Variants in RFESD observed in about 807,000 individuals in gnomAD.
RFESD encodes Rieske Fe-S domain containing.
RFESD carries 16 observed loss-of-function variants against 24.4 expected under a neutral mutation model. That is an observed-to-expected ratio of 0.66 (90% CI 0.44 to 1.00). RFESD has a LOEUF of 1.00. Ranked by LOEUF, RFESD falls within the 50% of genes least tolerant of loss-of-function variation. The pLI, the probability that RFESD is intolerant of heterozygous loss-of-function variation, is 0.00. For synonymous variants in RFESD, 59 were observed against 81.8 expected (o/e 0.72, Z 1.50); for missense variants, 208 against 247.0 (o/e 0.84, Z 1.06).
chr5:95,651,366 A>T (rs1750328040), intron 1 of RFESD, among the ~76,000 whole-genome samples: 1 of 152,180 alleles, frequency 6.6e-6, no homozygotes, highest in Admixed American at 6.5e-5. Context: ...TGTGTGTTTA[A>T]TATCTTGAGC....
At chr5:95,655,960 AC>A (rs1222792865) in intron 5 of RFESD, 85 bp from the exon 6 acceptor site, 23 of 1,288,540 alleles carry the variant, frequency 1.8e-5, no homozygotes, top group Non-Finnish European at 2.3e-5. Context: ...TGTTTTTTTA[AC>A]CTGGTTCTTC....
intron 1 of RFESD, among the ~76,000 whole-genome samples, chr5:95,649,954 G>C (rs982243702): frequency 6.6e-5 from 10 of 151,938 alleles, no homozygotes; most frequent in African/African-American, 2.2e-4. Context: ...TTACCCCTCT[G>C]TTCTGTCACA....
At position 95,652,171 on chromosome 5, in the gene RFESD, G is replaced by A; in HGVS notation, c.-101G>A. On this transcript the variant is annotated 5_prime_UTR_variant, in exon 2 of 6. Coordinates refer to ENST00000380005, the MANE Select transcript of RFESD (RefSeq NM_001131066.2). ...TATTTGCAATTCAAGGAGAATATAA[G>A]ACAGAGAAGAAAGCTGTGAATGAAT... is the stretch of plus-strand genomic sequence containing the variant. The A allele has an allele frequency of 7.1e-7, 1 of 1,416,534 alleles. No homozygotes were observed. The highest frequency in any genetic ancestry group is 2.3e-5 in the Admixed American group (1 of 43,102). The allele number at this position is 1,416,534 out of a possible 1,614,324, so 87.7% of individuals were successfully genotyped here. A position where few individuals can be genotyped will look rare whatever the true frequency, so the allele number is the denominator to read the frequency against.
In RFESD at chr5:95,652,265, C is replaced by T. The variant is rs1477852058; in HGVS notation, c.-7C>T. 1.3e-6 allele frequency: 2 copies of T among 1,549,668 alleles called. No homozygotes were observed. The highest frequency in any genetic ancestry group is 2.7e-5 in the African/African-American group (2 of 72,984). ...TCTCTACAACCTCTCTTCCACCTGA[C>T]CTCTAAATGTTGAAGTGTTTCAGGA... is the stretch of plus-strand genomic sequence containing the variant. On this transcript the variant is annotated 5_prime_UTR_variant, in exon 2 of 6. Coordinates refer to ENST00000380005, the MANE Select transcript of RFESD (RefSeq NM_001131066.2).
intron 1 of RFESD, among the ~76,000 whole-genome samples, chr5:95,651,316 G>A (rs1417809397): frequency 3.3e-5 from 5 of 152,138 alleles, no homozygotes. Context: ...ATTTGAAGTT[G>A]ACAACTGATT....
chr5:95,648,392 ATTATC>A (rs748049328), intron 1 of RFESD, among the ~76,000 whole-genome samples: 12 of 152,204 alleles, frequency 7.9e-5, no homozygotes, highest in Non-Finnish European at 1.6e-4. Flanking sequence ...TTAAGATTCT[ATTATC>A]TTAAAGTAGA....
chr5:95,652,171 GAC>G lies in RFESD; in HGVS notation c.-99_-98del. The G allele has an allele frequency of 7.1e-7, 1 of 1,416,534 alleles. No homozygotes were observed. The highest frequency in any genetic ancestry group is 9.4e-7 in the Non-Finnish European group (1 of 1,064,436). The allele number at this position is 1,416,534 out of a possible 1,614,324, so 87.7% of individuals were successfully genotyped here. A position where few individuals can be genotyped will look rare whatever the true frequency, so the allele number is the denominator to read the frequency against. On this transcript the variant is annotated 5_prime_UTR_variant, in exon 2 of 6. Transcript: ENST00000380005. The stretch of plus-strand genomic sequence containing the variant: ...TATTTGCAATTCAAGGAGAATATAA[GAC>G]AGAGAAGAAAGCTGTGAATGAATTT...
At chr5:95,651,160 A>G (rs947948261) in intron 1 of RFESD, among the ~76,000 whole-genome samples, 5 of 152,010 alleles carry the variant, frequency 3.3e-5, no homozygotes, top group African/African-American at 9.7e-5. Context: ...ATGGTAACCT[A>G]AGACTTGAGT....
At chr5:95,655,928 A>AG in intron 5 of RFESD, 118 bp from the exon 6 acceptor site, 1 of 837,148 alleles carries the variant, frequency 1.2e-6, no homozygotes, top group Non-Finnish European at 1.9e-6. Context: ...TGTACATAGG[A>AG]GGAAAAAAAG....
intron 2 of RFESD, 100 bp downstream of exon 2, chr5:95,652,431 T>A: frequency 3.6e-6 from 5 of 1,405,592 alleles, no homozygotes; most frequent in Non-Finnish European, 4.8e-6. Flanking sequence ...TTGACATCTC[T>A]ACTTGGATGT....
chr5:95,648,513 A>G (rs1415474790), intron 1 of RFESD, among the ~76,000 whole-genome samples: 1 of 152,212 alleles, frequency 6.6e-6, no homozygotes, highest in East Asian at 1.9e-4. Context: ...CATGATATTC[A>G]CAATAGTAAG....
intron 1 of RFESD, among the ~76,000 whole-genome samples, chr5:95,651,032 A>AGCTTGCAG (rs1750306148): frequency 7.0e-6 from 1 of 143,032 alleles, no homozygotes; most frequent in South Asian, 2.3e-4. Flanking sequence ...CAGGAGGTGG[A>AGCTTGCAG]GCTTGCAGTG....
Position 95,654,079 on chromosome 5 carries a change from T to C in RFESD, c.177T>C (p.Ser59=), listed in dbSNP as rs376152925. The C allele has an allele frequency of 6.2e-7, 1 of 1,610,262 alleles. No homozygotes were observed. The highest frequency in any genetic ancestry group is 1.3e-5 in the African/African-American group (1 of 74,766). ...SFYLSMNLDG[S]AQDPEKREYS... ...CAACTAGCATGAATCTTGATGGCTC[T>C]GCACAAGATCCTGAAAAGAGGGAAT... The change falls in exon 4 of 6, where the codon TCT becomes TCC. Residue 59 remains serine (S), a synonymous_variant. Transcript: ENST00000380005.
At chr5:95,652,405 A>G in intron 2 of RFESD, 74 bp downstream of exon 2, 8 of 1,515,532 alleles carry the variant, frequency 5.3e-6, no homozygotes, top group East Asian at 2.5e-5. Context: ...TTAGTCTCAT[A>G]TATCTGGTTG....
intron 2 of RFESD, chr5:95,652,669 C>T (rs951288475): frequency 1.6e-5 from 4 of 251,148 alleles, no homozygotes; most frequent in Admixed American, 1.0e-4. Flanking sequence ...TAAAATAATA[C>T]CTTTTTAGTA....
chr5:95,656,310 TAAAA>T lies in RFESD; in HGVS notation c.*4_*7del. Reference sequence around the variant, plus strand: ...CAAAGTAATTAAGAGTTCTTCCTGATAAAAAATATATAGAAATGAAAAATGTTGT... The same window carrying T: ...CAAAGTAATTAAGAGTTCTTCCTGATAATATATAGAAATGAAAAATGTTGT... On this transcript the variant is annotated 3_prime_UTR_variant, in exon 6 of 6. Transcript: ENST00000380005. The T allele has an allele frequency of 6.3e-7, 1 of 1,595,138 alleles. No individual in the cohort carries two copies. The highest frequency in any genetic ancestry group is 1.1e-5 in the South Asian group (1 of 88,504).
At chr5:95,654,272 C>T (rs1326011214) in intron 4 of RFESD, 36 bp downstream of exon 4, 1 of 1,608,158 alleles carries the variant, frequency 6.2e-7, no homozygotes, top group Non-Finnish European at 8.5e-7. Context: ...AACTTTAAAC[C>T]ATGAAACTAT....
At chr5:95,650,741 G>C (rs529440513) in intron 1 of RFESD, among the ~76,000 whole-genome samples, 309 of 152,168 alleles carry the variant, frequency 2.0e-3, no homozygotes, top group African/African-American at 6.8e-3. Context: ...TTGGGGAAGC[G>C]ACTGGCCCAT....
chr5:95,655,489 A>T (rs1750691597), intron 5 of RFESD: 1 of 152,484 alleles, frequency 6.6e-6, no homozygotes, highest in African/African-American at 2.4e-5. Context: ...CCAACCCCTT[A>T]GACCTACTAC....
Sources: gnomAD v4.1 joint callset for allele counts (sites outside exome capture counted in the v4.1 genomes callset) on GRCh38, gnomAD v4.1.1 for gene constraint, MANE v1.5 for transcripts, NCBI Gene and HGNC (gene_info 2026-07-23, HGNC 2026-07-21) for gene names.